DAB1: variants seen among roughly 807,000 people sequenced by gnomAD.
DAB1 encodes the protein disabled homolog 1.
A neutral mutation model predicts 64.6 loss-of-function variants in DAB1; 15 were observed. The ratio of observed to expected loss-of-function variants is 0.23; its 90% CI spans 0.16 to 0.36. The LOEUF (loss-of-function observed/expected upper bound fraction) is 0.36. DAB1 is among the 10% of genes least tolerant of loss of function. DAB1 has a pLI of 1.00. For synonymous variants in DAB1, 235 were observed against 251.9 expected (o/e 0.93, Z 0.64); for missense variants, 596 against 706.7 (o/e 0.84, Z 1.78).
intron 7 of DAB1, among the ~76,000 whole-genome samples, chr1:57,464,036 T>A (rs986073289): frequency 6.6e-6 from 1 of 152,208 alleles, no homozygotes. Flanking sequence ...ACCATATTAA[T>A]CTTGATTTTT....
rs558520146 is a variant in DAB1 at position 57,581,217 on chromosome 1, A to G, written n.625+68375T>C. 3.9e-5 allele frequency among the ~76,000 whole-genome samples: 6 copies of G among 152,338 alleles called. No individual in the cohort carries two copies. The South Asian group carries it at 1.2e-3, about 32-fold the overall frequency. On this transcript the variant is annotated intron_variant and non_coding_transcript_variant, in intron 7 of 20. Transcript: ENST00000485760. ...AAGGTAAAATCTTTTAAAGCTTTGG[A>G]GGATTGGGAAAGGGAATAAGAAAGA... is the stretch of plus-strand genomic sequence containing the variant.
chr1:57,799,921 A>G (rs1569723830), intron 6 of DAB1, among the ~76,000 whole-genome samples: 1 of 152,296 alleles, frequency 6.6e-6, no homozygotes, highest in East Asian at 1.9e-4. Context: ...GGGCCCACAA[A>G]GCCTAAATAT....
chr1:56,997,501 C>T lies in DAB1; in HGVS notation c.*643G>A, dbSNP rs1205474592. On this transcript the variant is annotated 3_prime_UTR_variant, in exon 15 of 15. Coordinates refer to ENST00000371236, the MANE Select transcript of DAB1 (RefSeq NM_001365792.1). Reference sequence around the variant, plus strand: ...TTTTCTCCCCAGTTAGATTTCTTCACCCATATCTAAAAAAAGTCAAAAGCA... The same window carrying T: ...TTTTCTCCCCAGTTAGATTTCTTCATCCATATCTAAAAAAAGTCAAAAGCA... The T allele has an allele frequency of 6.6e-6, 1 of 151,280 alleles. No homozygotes were observed. The highest frequency in any genetic ancestry group is 1.5e-5 in the Non-Finnish European group (1 of 67,880). The allele number at this position is 151,280 out of a possible 1,614,324, so 9.4% of individuals were successfully genotyped here.
intron 4 of DAB1, among the ~76,000 whole-genome samples, chr1:58,274,811 C>G (rs576701957): frequency 6.6e-6 from 1 of 152,276 alleles, no homozygotes; most frequent in Non-Finnish European, 1.5e-5. Context: ...GGAAAGGGAA[C>G]TCCCTGACCC....
chr1:57,962,178 T>G, intron 5 of DAB1, among the ~76,000 whole-genome samples: 1 of 152,164 alleles, frequency 6.6e-6, no homozygotes, highest in East Asian at 1.9e-4. Flanking sequence ...AGGTCTCGAC[T>G]TGCTCATCTT....
intron 2 of DAB1, among the ~76,000 whole-genome samples, chr1:57,175,322 T>G (rs2100941495): frequency 6.6e-6 from 1 of 151,992 alleles, no homozygotes. Context: ...TAAATTTTTT[T>G]TTTTTTTTTG....
chr1:58,028,296 G>A (rs542659617), intron 5 of DAB1, among the ~76,000 whole-genome samples: 2 of 152,272 alleles, frequency 1.3e-5, no homozygotes, highest in Admixed American at 1.3e-4. Flanking sequence ...ATTGTTTTAT[G>A]TGTTTCTGTT....
chr1:58,153,295 A>G (rs998316568), intron 4 of DAB1, among the ~76,000 whole-genome samples: 2 of 152,214 alleles, frequency 1.3e-5, no homozygotes, highest in South Asian at 2.1e-4. Flanking sequence ...GTACTTCCAC[A>G]TCTTTCATCT....
chr1:57,106,497 G>A (rs1655171095), intron 4 of DAB1, among the ~76,000 whole-genome samples: 1 of 152,094 alleles, frequency 6.6e-6, no homozygotes, highest in Non-Finnish European at 1.5e-5. Flanking sequence ...ATGTGGGTCT[G>A]GATCAGTCCC....
intron 4 of DAB1, among the ~76,000 whole-genome samples, chr1:58,160,735 T>G (rs1288978357): frequency 1.3e-5 from 2 of 148,926 alleles, no homozygotes; most frequent in Non-Finnish European, 2.9e-5. Context: ...TAAATAATTT[T>G]GGGTACAATT....
chr1:57,940,292 A>G (rs1645084488), intron 5 of DAB1, among the ~76,000 whole-genome samples: 1 of 152,234 alleles, frequency 6.6e-6, no homozygotes. Flanking sequence ...ACTGTTTCAA[A>G]GAGAAAAGAA....
At chr1:58,382,230 G>A (rs867828849) in intron 3 of DAB1, among the ~76,000 whole-genome samples, 2 of 152,118 alleles carry the variant, frequency 1.3e-5, no homozygotes, top group African/African-American at 2.4e-5. Context: ...GAAGTTCCAG[G>A]AGCTTCTGCT....
intron 11 of DAB1, 44 bp downstream of exon 11, chr1:57,023,487 T>G: frequency 8.9e-7 from 1 of 1,129,160 alleles, no homozygotes; most frequent in Non-Finnish European, 1.3e-6. Flanking sequence ...TCTCTCTTAA[T>G]GAGTGAAGGC....
chr1:57,502,533 G>A (rs1644302673), intron 7 of DAB1, among the ~76,000 whole-genome samples: 1 of 152,036 alleles, frequency 6.6e-6, no homozygotes, highest in African/African-American at 2.4e-5. Flanking sequence ...ATATCTCTCC[G>A]AATAGAATGT....
At chr1:58,183,754 T>G (rs781259474) in intron 4 of DAB1, among the ~76,000 whole-genome samples, 9 of 152,188 alleles carry the variant, frequency 5.9e-5, no homozygotes, top group Non-Finnish European at 1.2e-4. Context: ...TTTTTATTGT[T>G]GTTGTTATTT....
At chr1:57,201,962 A>G (rs1040873054) in intron 2 of DAB1, among the ~76,000 whole-genome samples, 2 of 152,214 alleles carry the variant, frequency 1.3e-5, no homozygotes, top group African/African-American at 2.4e-5. Flanking sequence ...AAACAGGTGG[A>G]GGAACAGGAA....
intron 4 of DAB1, among the ~76,000 whole-genome samples, chr1:58,294,727 C>A (rs573045113): frequency 4.6e-5 from 7 of 152,168 alleles, no homozygotes; most frequent in African/African-American, 1.7e-4. Context: ...CTCTAAAGTG[C>A]ATTATGAGCT....
chr1:57,667,770 A>G (rs1646465654), intron 6 of DAB1, among the ~76,000 whole-genome samples: 1 of 152,134 alleles, frequency 6.6e-6, no homozygotes, highest in East Asian at 1.9e-4. Context: ...GTAAACTAAC[A>G]CAGGAACAGA....
At chr1:57,694,976 C>T (rs935214255) in intron 6 of DAB1, among the ~76,000 whole-genome samples, 19 of 152,076 alleles carry the variant, frequency 1.2e-4, no homozygotes, top group Admixed American at 1.2e-3. Flanking sequence ...AACAAATACC[C>T]AGTTAATGCT....
Sources: allele counts gnomAD v4.1 joint callset (sites outside exome capture counted in the v4.1 genomes callset), GRCh38; gene constraint gnomAD v4.1.1; transcripts MANE v1.5; gene names NCBI Gene and HGNC (gene_info 2026-07-23, HGNC 2026-07-21).